Variants in ELP4 observed in about 807,000 individuals in gnomAD.
The protein encoded by ELP4 is elongator acetyltransferase complex subunit 4.
Under a neutral mutation model 48.9 loss-of-function variants are expected in ELP4, and 51 were observed. The ratio of observed to expected loss-of-function variants is 1.04; its 90% CI spans 0.83 to 1.32. The LOEUF is 1.32. Ranked by LOEUF, ELP4 falls within the 40% of genes most tolerant of loss-of-function variation. ELP4 has a pLI of 0.00. For missense variants in ELP4, 519 were observed against 514.6 expected, an observed-to-expected ratio of 1.01 and a Z score of -0.08; for synonymous variants, 210 against 189.2, an observed-to-expected ratio of 1.11 and a Z score of -0.90.
intron 1 of ELP4, chr11:31,512,716 C>G (rs1956030268): frequency 1.3e-5 from 2 of 152,106 alleles, no homozygotes; most frequent in Admixed American, 1.3e-4. Flanking sequence ...AGAGGTACTC[C>G]ATTTCTCTTC....
chr11:31,689,822 A>G (rs1946237696), intron 9 of ELP4, among the ~76,000 whole-genome samples: 1 of 152,084 alleles, frequency 6.6e-6, no homozygotes, highest in African/African-American at 2.4e-5. Context: ...AATAGAGATA[A>G]TTAGCATCTT....
intron 3 of ELP4, among the ~76,000 whole-genome samples, chr11:31,570,684 G>T (rs538409303): frequency 6.6e-6 from 1 of 151,752 alleles, no homozygotes; most frequent in African/African-American, 2.4e-5. Context: ...ATGTTGGCCA[G>T]GCTGGTCTCG....
chr11:31,634,591 A>C (rs1024995344), intron 7 of ELP4, among the ~76,000 whole-genome samples: 4 of 151,932 alleles, frequency 2.6e-5, no homozygotes, highest in African/African-American at 9.7e-5. Context: ...GTTTAAGGGA[A>C]CAGCAGATTC....
At chr11:31,676,392 T>C (rs1945926162) in intron 9 of ELP4, among the ~76,000 whole-genome samples, 1 of 152,200 alleles carries the variant, frequency 6.6e-6, no homozygotes, top group Non-Finnish European at 1.5e-5. Context: ...ACTCACCACC[T>C]TCTAATATGC....
chr11:31,524,682 A>G (rs1266550659), intron 2 of ELP4, among the ~76,000 whole-genome samples: 1 of 152,246 alleles, frequency 6.6e-6, no homozygotes, highest in East Asian at 1.9e-4. Context: ...CACTCTTAAT[A>G]GTCCTCACAG....
chr11:31,765,563 G>A (rs1459621020), intron 9 of ELP4, among the ~76,000 whole-genome samples: 1 of 151,994 alleles, frequency 6.6e-6, no homozygotes, highest in East Asian at 1.9e-4. Context: ...TTTATTATAA[G>A]TAGCATCTTT....
rs187133253 is a variant in ELP4 at position 31,702,642 on chromosome 11, A to G, written c.1143+52421A>G. Among the ~76,000 whole-genome samples the G allele has an allele frequency of 3.5e-3, 530 of 152,214 alleles. 1 individual carries two copies. The highest frequency in any genetic ancestry group is 6.8e-3 in the Middle Eastern group (2 of 292). ...TAGGTGTTTCTCCCTTATCATAGAC[A>G]TTAGTTAGCATTTAGTCTTTAACCT... On this transcript the variant is annotated intron_variant, in intron 9 of 9. Transcript: ENST00000640961.
chr11:31,782,920 T>C (rs1445162341), intron 9 of ELP4, among the ~76,000 whole-genome samples: 1 of 152,158 alleles, frequency 6.6e-6, no homozygotes, highest in East Asian at 1.9e-4. Context: ...GGTCAACTAA[T>C]AGACAAAGAC....
rs529968259 is a variant in ELP4 at position 31,579,509 on chromosome 11, G to A, written c.382-15261G>A. On this transcript the variant is annotated intron_variant, in intron 3 of 9. Coordinates refer to ENST00000640961, the MANE Select transcript of ELP4 (RefSeq NM_019040.5). ...ACATATGTTTATTGCGGCACTTTTC[G>A]CAATAGCAAAGACTGGGAACCAACC... 1.4e-3 allele frequency among the ~76,000 whole-genome samples: 218 copies of A among 152,066 alleles called. 1 individual carries two copies. Among genetic ancestry groups the A allele is most frequent in the Non-Finnish European group, 1.9e-3 (131 of 67,978 alleles).
At chr11:31,596,074 CT>C (rs1201271189) in intron 4 of ELP4, among the ~76,000 whole-genome samples, 1 of 152,086 alleles carries the variant, frequency 6.6e-6, no homozygotes, top group African/African-American at 2.4e-5. Context: ...TTCTGCTTTC[CT>C]TTTTCTCCCT....
Position 31,515,682 on chromosome 11 carries a change from G to C in ELP4, c.224-4374G>C, listed in dbSNP as rs535618970. 3.3e-5 allele frequency among the ~76,000 whole-genome samples: 5 copies of C among 152,028 alleles called. No homozygotes were observed. The East Asian group carries it at 9.7e-4, about 29-fold the overall frequency. ...CTGTCCCCACCCCCCACAAAAAAAAGGAATTGCCAAAATGGTAAAGGTAGC... is the reference window on the plus strand; with the variant it reads ...CTGTCCCCACCCCCCACAAAAAAAACGAATTGCCAAAATGGTAAAGGTAGC... On this transcript the variant is annotated intron_variant, in intron 1 of 9. Coordinates refer to ENST00000640961, the MANE Select transcript of ELP4 (RefSeq NM_019040.5).
chr11:31,633,368 C>G (rs1179540013), intron 7 of ELP4: 2 of 152,052 alleles, frequency 1.3e-5, no homozygotes, highest in Non-Finnish European at 2.9e-5. Context: ...GCAGAAGGAT[C>G]ACCTGAGGCA....
At chr11:31,696,539 G>A (rs1946411269) in intron 9 of ELP4, among the ~76,000 whole-genome samples, 1 of 152,218 alleles carries the variant, frequency 6.6e-6, no homozygotes, top group East Asian at 1.9e-4. Flanking sequence ...GAGACAGTTT[G>A]TTATAATTTC....
intron 3 of ELP4, among the ~76,000 whole-genome samples, chr11:31,546,182 A>G (rs1271417080): frequency 6.6e-6 from 1 of 152,140 alleles, no homozygotes; most frequent in Non-Finnish European, 1.5e-5. Context: ...TAAAAGACAC[A>G]GACTGGCAAA....
chr11:31,552,338 A>G (rs1344771038), intron 3 of ELP4, among the ~76,000 whole-genome samples: 1 of 152,132 alleles, frequency 6.6e-6, no homozygotes, highest in Non-Finnish European at 1.5e-5. Flanking sequence ...TGACTTTCAA[A>G]TTTATAATCT....
intron 1 of ELP4, 24 bp from the exon 2 acceptor site, chr11:31,520,032 C>A: frequency 1.2e-6 from 2 of 1,610,726 alleles, no homozygotes; most frequent in Non-Finnish European, 1.7e-6. Context: ...AATTAATTTT[C>A]TTCTGGTTTT....
At chr11:31,510,489 G>A (rs1955970547) in intron 1 of ELP4, 2 of 408,616 alleles carry the variant, frequency 4.9e-6, no homozygotes, top group Non-Finnish European at 8.7e-6. Context: ...CTGTTCTCTG[G>A]TTCTAAATCT....
intron 3 of ELP4, among the ~76,000 whole-genome samples, chr11:31,572,530 T>C (rs1416840272): frequency 6.6e-6 from 1 of 152,176 alleles, no homozygotes; most frequent in East Asian, 1.9e-4. Context: ...ATTTGCTTAT[T>C]CTCTCCCCAA....
chr11:31,674,705 A>G (rs1945881595), intron 9 of ELP4, among the ~76,000 whole-genome samples: 1 of 152,228 alleles, frequency 6.6e-6, no homozygotes, highest in African/African-American at 2.4e-5. Flanking sequence ...CCTCTTCCCT[A>G]CAACACTGCA....
Sources: gnomAD v4.1 joint callset for allele counts (sites outside exome capture counted in the v4.1 genomes callset) on GRCh38, gnomAD v4.1.1 for gene constraint, MANE v1.5 for transcripts, NCBI Gene and HGNC (gene_info 2026-07-23, HGNC 2026-07-21) for gene names.